TMEM178B: variants seen among roughly 807,000 people sequenced by gnomAD.
The protein encoded by TMEM178B is transmembrane protein 178B.
In TMEM178B, 5 loss-of-function variants were observed where a neutral mutation model predicts 31.0. That is an observed-to-expected ratio of 0.16 (90% CI 0.08 to 0.34). The LOEUF (loss-of-function observed/expected upper bound fraction) is 0.34, where lower values mean the gene tolerates loss of function less well. Among genes scored for constraint, TMEM178B ranks in the 10% least tolerant of loss-of-function variants. The probability of loss-of-function intolerance (pLI) is 1.00; values close to 1 mark genes in which losing one functional copy is unlikely to be tolerated. For synonymous variants in TMEM178B, 164 were observed against 164.0 expected (o/e 1.00, Z 0.00); for missense variants, 275 against 400.3 (o/e 0.69, Z 2.67).
the TMEM178B span, among the ~76,000 whole-genome samples, chr7:141,494,822 A>G: frequency 4.8e-3 from 730 of 152,304 alleles, 1 homozygote; most frequent in Middle Eastern, 6.8e-3. Context: ...GAGACCTTAT[A>G]TTTTAAATGT....
intron 2 of TMEM178B, among the ~76,000 whole-genome samples, chr7:141,405,137 C>G (rs996769043): frequency 6.6e-6 from 1 of 152,262 alleles, no homozygotes; most frequent in African/African-American, 2.4e-5. Context: ...CCCTCTCCTA[C>G]TTGAACCACA....
intron 1 of TMEM178B, among the ~76,000 whole-genome samples, chr7:141,192,104 T>G (rs904294265): frequency 2.0e-5 from 3 of 152,220 alleles, no homozygotes; most frequent in African/African-American, 7.2e-5. Flanking sequence ...CCTTACTGAT[T>G]TGAGATGCCA....
intron 1 of TMEM178B, among the ~76,000 whole-genome samples, chr7:141,159,004 A>G (rs1796121973): frequency 1.3e-5 from 2 of 152,048 alleles, no homozygotes; most frequent in Non-Finnish European, 2.9e-5. Context: ...CCTTTTGTGA[A>G]CTATTTAAAG....
At chr7:141,468,455 A>T (rs1167265475) in intron 3 of TMEM178B, among the ~76,000 whole-genome samples, 1 of 152,224 alleles carries the variant, frequency 6.6e-6, no homozygotes, top group Non-Finnish European at 1.5e-5. Context: ...ACAGTGGATG[A>T]GACTGCAGGC....
At chr7:141,382,354 G>C (rs1344580474) in intron 2 of TMEM178B, among the ~76,000 whole-genome samples, 1 of 152,186 alleles carries the variant, frequency 6.6e-6, no homozygotes, top group African/African-American at 2.4e-5. Flanking sequence ...GCTAGACAAA[G>C]CCTGCCCTCT....
In TMEM178B at chr7:141,300,937, C is replaced by T. The variant is rs17567678; in HGVS notation, c.496+88233C>T. Among the ~76,000 whole-genome samples the T allele has an allele frequency of 2.8e-3, 419 of 152,272 alleles. 1 individual carries two copies. Among genetic ancestry groups the T allele is most frequent in the Middle Eastern group, 0.014 (4 of 294 alleles). Reference sequence around the variant, plus strand: ...TGCATTTCTGTGTTTCTAGAAAATTCCCCAGCTGGCCCTGTCTGCCTCTCC... The same window carrying T: ...TGCATTTCTGTGTTTCTAGAAAATTTCCCAGCTGGCCCTGTCTGCCTCTCC... On this transcript the variant is annotated intron_variant, in intron 2 of 3. Coordinates refer to ENST00000565468, the MANE Select transcript of TMEM178B (RefSeq NM_001195278.2).
chr7:141,324,416 GTTT>G (rs56316531), intron 2 of TMEM178B, among the ~76,000 whole-genome samples: 5 of 85,736 alleles, frequency 5.8e-5, no homozygotes, highest in African/African-American at 1.2e-4. Context: ...GGAGACCAGG[GTTT>G]TTTTTTTTTT....
intron 2 of TMEM178B, among the ~76,000 whole-genome samples, chr7:141,246,430 G>A (rs529582110): frequency 6.6e-5 from 10 of 152,188 alleles, no homozygotes; most frequent in Non-Finnish European, 1.3e-4. Context: ...TTGGAGTAAC[G>A]TCCATCCTCT....
chr7:141,480,345 CAATT>C lies in TMEM178B; in HGVS notation c.*9562_*9565del, dbSNP rs1483655909. The C allele has an allele frequency of 3.3e-5, 5 of 152,016 alleles. No individual in the cohort carries two copies. Among genetic ancestry groups the C allele is most frequent in the South Asian group, 2.1e-4 (1 of 4,808 alleles). The allele number at this position is 152,016 out of a possible 1,614,324, so 9.4% of individuals were successfully genotyped here. ...AGTTGTGGAATGTAAACTGATTAAA[CAATT>C]AAATAAAGAAGATTATGTTGTGTGT... On this transcript the variant is annotated 3_prime_UTR_variant, in exon 4 of 4. Coordinates refer to ENST00000565468, the MANE Select transcript of TMEM178B (RefSeq NM_001195278.2).
At chr7:141,081,794 T>C (rs1794691085) in intron 1 of TMEM178B, among the ~76,000 whole-genome samples, 1 of 152,190 alleles carries the variant, frequency 6.6e-6, no homozygotes, top group Non-Finnish European at 1.5e-5. Flanking sequence ...GTGTACAGTA[T>C]TTATAAGGTC....
chr7:141,413,522 C>A (rs1200117559), intron 2 of TMEM178B, among the ~76,000 whole-genome samples: 1 of 152,188 alleles, frequency 6.6e-6, no homozygotes, highest in African/African-American at 2.4e-5. Context: ...GTGCTCTGTT[C>A]TTTTGCAAGA....
At chr7:141,150,721 A>G (rs1368825924) in intron 1 of TMEM178B, among the ~76,000 whole-genome samples, 1 of 152,240 alleles carries the variant, frequency 6.6e-6, no homozygotes, top group African/African-American at 2.4e-5. Context: ...TCTGACTGCA[A>G]CCAAATGAGT....
chr7:141,407,801 A>G (rs567656117), intron 2 of TMEM178B, among the ~76,000 whole-genome samples: 3 of 152,188 alleles, frequency 2.0e-5, no homozygotes, highest in Non-Finnish European at 4.4e-5. Flanking sequence ...TTGAAATGAA[A>G]TTTTATCTAG....
chr7:141,210,151 C>T (rs1325377279), intron 1 of TMEM178B, among the ~76,000 whole-genome samples: 1 of 152,108 alleles, frequency 6.6e-6, no homozygotes, highest in African/African-American at 2.4e-5. Flanking sequence ...CTCCTCATGC[C>T]TCCACTTTCT....
the TMEM178B span, among the ~76,000 whole-genome samples, chr7:141,497,807 ACTATTGT>A: frequency 6.6e-6 from 1 of 151,886 alleles, no homozygotes; most frequent in African/African-American, 2.4e-5. Flanking sequence ...CTTCTCTTTG[ACTATTGT>A]CTAGAAAGAA....
intron 1 of TMEM178B, among the ~76,000 whole-genome samples, chr7:141,205,430 G>A (rs10248380): frequency 0.01 from 1,558 of 152,286 alleles, 18 homozygotes; most frequent in African/African-American, 0.023. Context: ...CCCAGGTGCC[G>A]TTGTGAGTAG....
intron 2 of TMEM178B, among the ~76,000 whole-genome samples, chr7:141,389,283 G>A (rs1365207424): frequency 1.3e-5 from 2 of 152,194 alleles, no homozygotes; most frequent in Non-Finnish European, 2.9e-5. Flanking sequence ...TAACGTAGAA[G>A]GGAAAGGGTA....
At chr7:141,494,438 C>G in the TMEM178B span, among the ~76,000 whole-genome samples, 1 of 152,106 alleles carries the variant, frequency 6.6e-6, no homozygotes, top group Non-Finnish European at 1.5e-5. Context: ...GAAAAAGAGG[C>G]AATGAAGTCA....
chr7:141,206,255 G>A (rs1256428626), intron 1 of TMEM178B, among the ~76,000 whole-genome samples: 1 of 152,178 alleles, frequency 6.6e-6, no homozygotes, highest in Non-Finnish European at 1.5e-5. Context: ...GCTTCCCCAT[G>A]TCTCCCTTTG....
Sources: allele counts gnomAD v4.1 joint callset (sites outside exome capture counted in the v4.1 genomes callset), GRCh38; gene constraint gnomAD v4.1.1; transcripts MANE v1.5; gene names NCBI Gene and HGNC (gene_info 2026-07-23, HGNC 2026-07-21).